The following GRID2 variants were observed in gnomAD, a reference collection of about 807,000 sequenced individuals.
The protein encoded by GRID2 is glutamate ionotropic receptor delta type subunit 2, also known as glutamate receptor ionotropic, delta-2.
In GRID2, 33 loss-of-function variants were observed where a neutral mutation model predicts 114.8. That is an observed-to-expected ratio of 0.29 (90% CI 0.22 to 0.38). The LOEUF is 0.38. Ranked by LOEUF, GRID2 falls within the 10% of genes least tolerant of loss-of-function variation. The pLI is 1.00. For missense variants in GRID2, 1,184 were observed against 1,257.7 expected, an observed-to-expected ratio of 0.94 and a Z score of 0.89; for synonymous variants, 505 against 449.9, an observed-to-expected ratio of 1.12 and a Z score of -1.55.
chr4:93,598,958 A>G (rs1324867018), intron 13 of GRID2, among the ~76,000 whole-genome samples: 2 of 152,218 alleles, frequency 1.3e-5, no homozygotes, highest in African/African-American at 4.8e-5. Context: ...ATCTGTCACT[A>G]AATAATGCTG....
chr4:93,441,411 C>T (rs2149392501), intron 10 of GRID2, among the ~76,000 whole-genome samples: 1 of 151,966 alleles, frequency 6.6e-6, no homozygotes, highest in African/African-American at 2.4e-5. Flanking sequence ...AAATATGCTA[C>T]AAGTAAAAGA....
intron 1 of GRID2, among the ~76,000 whole-genome samples, chr4:92,526,042 G>C (rs1416324353): frequency 6.6e-6 from 1 of 152,042 alleles, no homozygotes; most frequent in East Asian, 1.9e-4. Flanking sequence ...ATCAAGTTAA[G>C]AGTAGATGGT....
At chr4:92,484,554 A>T (rs535163275) in intron 1 of GRID2, among the ~76,000 whole-genome samples, 5 of 152,166 alleles carry the variant, frequency 3.3e-5, no homozygotes, top group Admixed American at 6.5e-5. Flanking sequence ...AGGTGGAGAG[A>T]CACATTCAAT....
chr4:93,158,700 A>G (rs1475543668), intron 4 of GRID2, among the ~76,000 whole-genome samples: 1 of 151,832 alleles, frequency 6.6e-6, no homozygotes, highest in Non-Finnish European at 1.5e-5. Flanking sequence ...CGAGTTTGGC[A>G]AAGCAATTAT....
chr4:92,831,763 G>T (rs1742119205), intron 2 of GRID2, among the ~76,000 whole-genome samples: 2 of 152,072 alleles, frequency 1.3e-5, no homozygotes, highest in South Asian at 4.1e-4. Flanking sequence ...GAGAGGCTGA[G>T]AGAGGAGGAT....
chr4:92,443,732 G>A (rs531447003), intron 1 of GRID2, among the ~76,000 whole-genome samples: 2 of 152,234 alleles, frequency 1.3e-5, no homozygotes, highest in Admixed American at 6.5e-5. Flanking sequence ...TGGGGTACTT[G>A]CCCCTTCCCC....
chr4:93,004,595 C>T (rs1354679449), intron 2 of GRID2, among the ~76,000 whole-genome samples: 1 of 151,892 alleles, frequency 6.6e-6, no homozygotes, highest in Non-Finnish European at 1.5e-5. Flanking sequence ...GTTGTTCTAC[C>T]TCTTATTTTA....
chr4:92,959,383 G>A (rs1336733180), intron 2 of GRID2, among the ~76,000 whole-genome samples: 2 of 151,054 alleles, frequency 1.3e-5, no homozygotes, highest in Non-Finnish European at 3.0e-5. Context: ...GTTATGTTGT[G>A]TTTTCATTTT....
intron 2 of GRID2, among the ~76,000 whole-genome samples, chr4:92,791,019 A>G (rs2149364487): frequency 6.6e-6 from 1 of 151,532 alleles, no homozygotes; most frequent in Non-Finnish European, 1.5e-5. Flanking sequence ...TTTCTCCTTT[A>G]TGTGCTTCTT....
chr4:92,890,116 C>T (rs1416731191), intron 2 of GRID2, among the ~76,000 whole-genome samples: 2 of 152,086 alleles, frequency 1.3e-5, no homozygotes, highest in Non-Finnish European at 2.9e-5. Context: ...AAAATTAACT[C>T]AAGATGAATT....
chr4:93,273,467 C>CG, intron 8 of GRID2, among the ~76,000 whole-genome samples: 1 of 77,024 alleles, frequency 1.3e-5, no homozygotes, highest in Non-Finnish European at 2.5e-5. Context: ...ATATCCCCCC[C>CG]CCCAAAAAAT....
At chr4:93,003,958 G>T (rs1251522695) in intron 2 of GRID2, among the ~76,000 whole-genome samples, 1 of 151,868 alleles carries the variant, frequency 6.6e-6, no homozygotes, top group Non-Finnish European at 1.5e-5. Flanking sequence ...AAAATGTAAG[G>T]CTTGTGTGTG....
intron 2 of GRID2, among the ~76,000 whole-genome samples, chr4:92,758,012 T>C (rs1253309406): frequency 1.3e-5 from 2 of 152,038 alleles, no homozygotes; most frequent in East Asian, 3.9e-4. Context: ...TCACAAGTAG[T>C]AACAATTCCT....
intron 2 of GRID2, among the ~76,000 whole-genome samples, chr4:92,872,049 A>G (rs75814062): frequency 0.015 from 2,251 of 152,158 alleles, 22 homozygotes; most frequent in South Asian, 0.032. Flanking sequence ...TTATTTGTGT[A>G]CATATAGGTT....
At chr4:92,637,639 T>C (rs1731137019) in intron 2 of GRID2, among the ~76,000 whole-genome samples, 1 of 152,026 alleles carries the variant, frequency 6.6e-6, no homozygotes, top group Non-Finnish European at 1.5e-5. Flanking sequence ...GAAAACCAGG[T>C]AGAGAGAGCA....
rs1726225615 is a variant in GRID2, at chr4:92,545,819, A to AT, written c.89-44307dup. On this transcript the variant is annotated intron_variant, in intron 1 of 15. Transcript: ENST00000282020. ...TTCATATGTACGAAAGCCAGCTCAGATTTTTCTTCCTCCAAAGTCCTCCTT... is the reference window on the plus strand; with the variant it reads ...TTCATATGTACGAAAGCCAGCTCAGATTTTTTCTTCCTCCAAAGTCCTCCTT... Among the ~76,000 whole-genome samples, 3 of 152,226 alleles carry AT rather than the reference A, an allele frequency of 2.0e-5. No homozygotes were observed. In the South Asian group the frequency reaches 6.2e-4, roughly 32 times the overall value.
intron 2 of GRID2, among the ~76,000 whole-genome samples, chr4:92,609,670 C>G (rs529724863): frequency 2.0e-5 from 3 of 151,098 alleles, no homozygotes; most frequent in African/African-American, 7.3e-5. Flanking sequence ...TTTCTTTCTT[C>G]TCGTGACCAC....
chr4:92,938,099 G>T (rs1477407196), intron 2 of GRID2, among the ~76,000 whole-genome samples: 2 of 146,608 alleles, frequency 1.4e-5, no homozygotes, highest in African/African-American at 2.4e-5. Context: ...GAACTGAGAA[G>T]AATTTCTGTT....
In GRID2 at chr4:93,563,199, A is replaced by G. The variant is rs973475988; in HGVS notation, c.2193+47788A>G. 2.6e-5 allele frequency among the ~76,000 whole-genome samples: 4 copies of G among 152,138 alleles called. No individual in the cohort carries two copies. In the East Asian group the frequency reaches 5.8e-4, roughly 22 times the overall value. ...TAAGTAAATGCAAGTTTCTAAATCT[A>G]TATTTTAAAAAGCACCATTTATATC... On this transcript the variant is annotated intron_variant, in intron 13 of 15. Coordinates refer to ENST00000282020, the MANE Select transcript of GRID2 (RefSeq NM_001510.4).
Sources: gnomAD v4.1 joint callset for allele counts (sites outside exome capture counted in the v4.1 genomes callset) on GRCh38, gnomAD v4.1.1 for gene constraint, MANE v1.5 for transcripts, NCBI Gene and HGNC (gene_info 2026-07-23, HGNC 2026-07-21) for gene names.